Variants in CHD2 observed in about 807,000 individuals in gnomAD.
The protein encoded by CHD2 is ATP-dependent chromatin remodeler CHD2.
Under a neutral mutation model 243.9 loss-of-function variants are expected in CHD2, and 28 were observed. That is an observed-to-expected ratio of 0.11 (90% confidence interval 0.09 to 0.16). The LOEUF is 0.16. Among genes scored for constraint, CHD2 ranks in the 10% least tolerant of loss-of-function variants. The pLI is 1.00. For synonymous variants in CHD2, 775 were observed against 779.0 expected (o/e 0.99, Z 0.09); for missense variants, 1,386 against 2,209.8 (o/e 0.63, Z 7.47).
intron 1 of CHD2, 83 bp from the exon 2 acceptor site, chr15:92,901,084 G>T: frequency 1.5e-6 from 1 of 663,556 alleles, no homozygotes; most frequent in Non-Finnish European, 2.7e-6. Context: ...TAACAATATC[G>T]TTAACATCGT....
chr15:92,924,387 T>C lies in CHD2; in HGVS notation c.129T>C (p.Ser43=), dbSNP rs779858941. Residue 43 remains serine, a synonymous_variant, in exon 3 of 39, where the codon AGT becomes AGC. Transcript: ENST00000394196. ...GTCAGTCGGAAAGTGAGCAGGGAAGTGATCCAGGAAGTGGACATGGCAGCG... is the reference window on the plus strand; with the variant it reads ...GTCAGTCGGAAAGTGAGCAGGGAAGCGATCCAGGAAGTGGACATGGCAGCG... ...SGSQSESEQG[S]DPGSGHGSES... The C allele has an allele frequency of 6.8e-6, 11 of 1,614,096 alleles. No individual in the cohort carries two copies. The highest frequency in any genetic ancestry group is 9.3e-6 in the Non-Finnish European group (11 of 1,180,000).
At chr15:92,979,456 G>T (rs552635963) in intron 22 of CHD2, among the ~76,000 whole-genome samples, 173 bp downstream of exon 22, 1 of 151,956 alleles carries the variant, frequency 6.6e-6, no homozygotes, top group East Asian at 1.9e-4. Flanking sequence ...TCCTTTTTTT[G>T]CCCATCACCC....
intron 26 of CHD2, among the ~76,000 whole-genome samples, chr15:92,990,755 T>C (rs180906990): frequency 2.6e-4 from 39 of 152,340 alleles, no homozygotes; most frequent in African/African-American, 9.1e-4. Flanking sequence ...ATCATAGTAA[T>C]TTGGCATATT....
intron 28 of CHD2, among the ~76,000 whole-genome samples, chr15:92,995,401 A>G (rs1208964454): frequency 6.6e-6 from 1 of 152,148 alleles, no homozygotes; most frequent in Non-Finnish European, 1.5e-5. Flanking sequence ...TTTGTTCCCC[A>G]GCTGCCTTCT....
At chr15:92,927,137 C>T in intron 3 of CHD2, 107 bp from the exon 4 acceptor site, 2 of 799,858 alleles carry the variant, frequency 2.5e-6, no homozygotes, top group Non-Finnish European at 4.1e-6. Flanking sequence ...AGCAAAACAA[C>T]CCTTTTGATA....
intron 26 of CHD2, among the ~76,000 whole-genome samples, chr15:92,985,962 C>T (rs954979681): frequency 3.3e-5 from 5 of 152,116 alleles, no homozygotes; most frequent in African/African-American, 1.2e-4. Context: ...AATTGACATA[C>T]ATGTATATAC....
At chr15:92,929,690 A>G (rs1343615927) in intron 5 of CHD2, among the ~76,000 whole-genome samples, 1 of 152,174 alleles carries the variant, frequency 6.6e-6, no homozygotes, top group African/African-American at 2.4e-5. Context: ...TTTTAAAGTC[A>G]TTTTTTGGAG....
intron 34 of CHD2, among the ~76,000 whole-genome samples, chr15:93,008,810 A>G (rs1857642751): frequency 6.6e-6 from 1 of 152,156 alleles, no homozygotes; most frequent in Non-Finnish European, 1.5e-5. Context: ...GGAGAATTTC[A>G]GATTAGGTCT....
rs1363010773 is a variant in CHD2, at chr15:93,027,461, G to A, written c.*2756G>A. Reference sequence around the variant, plus strand: ...TTCAGAGCCGGACAGACAGGTGCCAGCAGAGCCCGGGGCTCACTCTCCTTT... The same window carrying A: ...TTCAGAGCCGGACAGACAGGTGCCAACAGAGCCCGGGGCTCACTCTCCTTT... On this transcript the variant is annotated 3_prime_UTR_variant, in exon 39 of 39. Coordinates refer to ENST00000394196, the MANE Select transcript of CHD2 (RefSeq NM_001271.4). 1 of 152,288 alleles carries A rather than the reference G, an allele frequency of 6.6e-6. No homozygotes were observed. The highest frequency in any genetic ancestry group is 2.4e-5 in the African/African-American group (1 of 41,468). 9.4% of individuals were successfully genotyped at this position (152,288 alleles called of 1,614,324 possible). A position where few individuals can be genotyped will look rare whatever the true frequency, so the allele number is the denominator to read the frequency against.
chr15:92,929,720 C>G (rs1029606689), intron 5 of CHD2, among the ~76,000 whole-genome samples: 3 of 151,712 alleles, frequency 2.0e-5, no homozygotes, highest in African/African-American at 7.3e-5. Context: ...ATCCCGTTGA[C>G]AATCTGAATT....
chr15:92,952,843 C>G (rs1422776157), intron 13 of CHD2, among the ~76,000 whole-genome samples: 1 of 152,142 alleles, frequency 6.6e-6, no homozygotes, highest in Non-Finnish European at 1.5e-5. Context: ...GTAGCCTACC[C>G]CTGCTTTAGA....
intron 9 of CHD2, 194 bp downstream of exon 9, chr15:92,943,262 GT>G: frequency 1.8e-6 from 1 of 567,262 alleles, no homozygotes; most frequent in Non-Finnish European, 3.1e-6. Flanking sequence ...TGGCTACCAA[GT>G]TTTTGGAGTT....
chr15:92,929,053 G>C lies in CHD2; in HGVS notation c.405G>C (p.Gly135=). Residue 135 remains glycine, a synonymous_variant, in exon 5 of 39, where the codon GGG becomes GGC. Coordinates refer to ENST00000394196, the MANE Select transcript of CHD2 (RefSeq NM_001271.4). ...KEEASSGSES[G]SPKRRGQRQL... is the part of the protein sequence containing the mutation. ...AGGCAAGTAGCGGGTCTGAGAGTGG[G>C]AGCCCAAAAAGAAGAGGCCAGAGGC... 1 of 1,611,604 alleles carries C rather than the reference G, an allele frequency of 6.2e-7. No homozygotes were observed. Among genetic ancestry groups the C allele is most frequent in the Non-Finnish European group, 8.5e-7 (1 of 1,178,630 alleles).
At chr15:92,961,128 C>T (rs1251527354) in intron 16 of CHD2, among the ~76,000 whole-genome samples, 1 of 152,066 alleles carries the variant, frequency 6.6e-6, no homozygotes, top group Non-Finnish European at 1.5e-5. Flanking sequence ...AATTGGAGAG[C>T]GTTTCCCTTC....
At chr15:92,952,805 T>C (rs2053570598) in intron 13 of CHD2, among the ~76,000 whole-genome samples, 1 of 152,196 alleles carries the variant, frequency 6.6e-6, no homozygotes, top group Non-Finnish European at 1.5e-5. Context: ...GTTTAGTATA[T>C]CTAGGGTGGG....
intron 2 of CHD2, among the ~76,000 whole-genome samples, chr15:92,917,086 A>G (rs548839282): frequency 8.5e-4 from 130 of 152,272 alleles, no homozygotes; most frequent in Non-Finnish European, 1.4e-3. Context: ...GTAATTCTTC[A>G]TATGTTGTGT....
rs755608958 is a variant in CHD2, at chr15:92,980,839, G to A, written c.2901G>A (p.Glu967=). The change falls in exon 23 of 39, where the codon GAG becomes GAA. Residue 967 remains glutamate, a synonymous_variant. Transcript: ENST00000394196. ...GCTCAAATCCTTTTAATAAAGAAGA[G>A]CTGACAGCTATTTTGAAATTTGGAG... ...RSNSNPFNKE[E]LTAILKFGAE... is the part of the protein sequence containing the mutation. The A allele has an allele frequency of 1.1e-5, 17 of 1,613,478 alleles. No homozygotes were observed. Among genetic ancestry groups the A allele is most frequent in the Admixed American group, 6.7e-5 (4 of 59,974 alleles).
At chr15:93,008,676 G>A (rs1213105700) in intron 34 of CHD2, among the ~76,000 whole-genome samples, 1 of 152,160 alleles carries the variant, frequency 6.6e-6, no homozygotes, top group Non-Finnish European at 1.5e-5. Context: ...AGTGGGATTG[G>A]GGAGGCAGAG....
chr15:92,930,816 A>G (rs1449601066), intron 5 of CHD2, among the ~76,000 whole-genome samples: 2 of 152,156 alleles, frequency 1.3e-5, no homozygotes, highest in African/African-American at 4.8e-5. Context: ...AGTTCCTTGC[A>G]GAGTGGGATC....
Sources: allele counts gnomAD v4.1 joint callset (sites outside exome capture counted in the v4.1 genomes callset), GRCh38; gene constraint gnomAD v4.1.1; transcripts MANE v1.5; gene names NCBI Gene and HGNC (gene_info 2026-07-23, HGNC 2026-07-21).